The following DIAPH3 variants were observed in gnomAD, a reference collection of about 807,000 sequenced individuals.
DIAPH3 encodes the protein diaphanous related formin 3.
In DIAPH3, 117 loss-of-function variants were observed where a neutral mutation model predicts 144.3. That is an observed-to-expected ratio of 0.81 (90% CI 0.70 to 0.95). The LOEUF (loss-of-function observed/expected upper bound fraction) is 0.95, where lower values mean the gene tolerates loss of function less well. DIAPH3 is among the 40% of genes least tolerant of loss of function. DIAPH3 has a pLI of 0.00. For synonymous variants in DIAPH3, 519 were observed against 488.9 expected, an observed-to-expected ratio of 1.06 and a Z score of -0.81; for missense variants, 1,421 against 1,412.7, an observed-to-expected ratio of 1.01 and a Z score of -0.09.
intron 18 of DIAPH3, among the ~76,000 whole-genome samples, chr13:59,924,542 GA>G (rs1261940866): frequency 1.3e-5 from 2 of 149,222 alleles, no homozygotes; most frequent in Non-Finnish European, 3.0e-5. Flanking sequence ...TTTCAGTTAT[GA>G]AAGGTAGAAT....
intron 24 of DIAPH3, among the ~76,000 whole-genome samples, chr13:59,812,090 G>C (rs1046598771): frequency 1.3e-5 from 2 of 152,170 alleles, no homozygotes; most frequent in Non-Finnish European, 2.9e-5. Flanking sequence ...TGTTTCGGGA[G>C]AAGGCTTTTA....
chr13:60,023,224 G>A (rs909508943), intron 5 of DIAPH3, among the ~76,000 whole-genome samples: 5 of 151,342 alleles, frequency 3.3e-5, no homozygotes, highest in Non-Finnish European at 7.4e-5. Context: ...TAGTCAGAGG[G>A]CCATCCAAAT....
At chr13:59,867,146 C>G (rs191128078) in intron 21 of DIAPH3, among the ~76,000 whole-genome samples, 7 of 150,376 alleles carry the variant, frequency 4.7e-5, no homozygotes, top group East Asian at 1.9e-4. Context: ...GAGTATCACT[C>G]CAATACAAAT....
intron 4 of DIAPH3, among the ~76,000 whole-genome samples, chr13:60,075,205 T>C (rs1202503635): frequency 6.6e-6 from 1 of 152,224 alleles, no homozygotes; most frequent in Non-Finnish European, 1.5e-5. Flanking sequence ...TCTTTTCATG[T>C]GGATGTATGA....
chr13:59,857,226 T>C (rs923988548), intron 22 of DIAPH3, among the ~76,000 whole-genome samples: 1 of 152,138 alleles, frequency 6.6e-6, no homozygotes, highest in Non-Finnish European at 1.5e-5. Flanking sequence ...TCAAACACTA[T>C]AAATTTTCCA....
intron 4 of DIAPH3, among the ~76,000 whole-genome samples, chr13:60,059,491 A>T (rs1450427046): frequency 1.3e-5 from 2 of 152,104 alleles, no homozygotes; most frequent in African/African-American, 2.4e-5. Context: ...GTTTTTAAAC[A>T]TACCACTTAA....
intron 25 of DIAPH3, among the ~76,000 whole-genome samples, chr13:59,810,346 G>A (rs570436461): frequency 6.6e-6 from 1 of 152,226 alleles, no homozygotes; most frequent in African/African-American, 2.4e-5. Context: ...TGGCTGATAT[G>A]TCGCTTAAGT....
intron 27 of DIAPH3, among the ~76,000 whole-genome samples, chr13:59,718,434 C>T (rs977297703): frequency 6.6e-6 from 1 of 152,104 alleles, no homozygotes; most frequent in Non-Finnish European, 1.5e-5. Context: ...TTAATCAAGG[C>T]AAATCATTAT....
intron 17 of DIAPH3, among the ~76,000 whole-genome samples, chr13:59,957,781 T>C (rs1253368290): frequency 1.3e-5 from 2 of 152,118 alleles, no homozygotes; most frequent in South Asian, 2.1e-4. Context: ...AACTTTAAAA[T>C]AGAAAAACAT....
In DIAPH3 at chr13:60,093,207, T is replaced by C. The variant is rs1052704481; in HGVS notation, c.495+421A>G. 1.8e-4 allele frequency among the ~76,000 whole-genome samples: 28 copies of C among 152,342 alleles called. No homozygotes were observed. In the East Asian group the frequency reaches 5.0e-3, roughly 27 times the overall value. ...CCAACATTTATAATTTGTTACAAGA[T>C]AATTTTATTCATAGGGAGACTCACA... On this transcript the variant is annotated intron_variant, in intron 4 of 27. Transcript: ENST00000400324.
intron 9 of DIAPH3, among the ~76,000 whole-genome samples, chr13:59,999,081 T>C (rs2052375538): frequency 6.6e-6 from 1 of 152,060 alleles, no homozygotes; most frequent in Non-Finnish European, 1.5e-5. Flanking sequence ...TGGGTAAACT[T>C]TGAAGATTAA....
intron 25 of DIAPH3, among the ~76,000 whole-genome samples, chr13:59,792,256 A>G (rs2039365134): frequency 6.6e-6 from 1 of 152,110 alleles, no homozygotes; most frequent in African/African-American, 2.4e-5. Context: ...CAAAGCTGCT[A>G]TGTCAGGCTG....
At chr13:59,922,848 A>G (rs377112853) in intron 18 of DIAPH3, among the ~76,000 whole-genome samples, 1 of 152,174 alleles carries the variant, frequency 6.6e-6, no homozygotes, top group African/African-American at 2.4e-5. Context: ...ATCTTTCTCC[A>G]TAAAAATGTT....
intron 27 of DIAPH3, among the ~76,000 whole-genome samples, chr13:59,670,785 G>A (rs1057447801): frequency 1.3e-5 from 2 of 152,022 alleles, no homozygotes; most frequent in Non-Finnish European, 2.9e-5. Flanking sequence ...GGGTTTCACT[G>A]TGTTAGCCAG....
intron 27 of DIAPH3, chr13:59,696,012 A>G (rs2033782631): frequency 6.6e-6 from 1 of 152,228 alleles, no homozygotes; most frequent in Non-Finnish European, 1.5e-5. Flanking sequence ...AAACAAAGGA[A>G]AACAACAACT....
intron 3 of DIAPH3, among the ~76,000 whole-genome samples, chr13:60,095,408 A>G (rs747673582): frequency 6.6e-6 from 1 of 151,796 alleles, no homozygotes; most frequent in African/African-American, 2.4e-5. Context: ...ACTTAAACTC[A>G]CTTAGCTATA....
intron 16 of DIAPH3, 70 bp from the exon 17 acceptor site, chr13:59,970,128 A>G (rs2050277345): frequency 1.3e-6 from 1 of 778,542 alleles, no homozygotes; most frequent in Non-Finnish European, 2.1e-6. Flanking sequence ...AGCACTATGC[A>G]TACACTGAGT....
chr13:59,732,833 A>G (rs979439763), intron 27 of DIAPH3, among the ~76,000 whole-genome samples: 2 of 152,120 alleles, frequency 1.3e-5, no homozygotes, highest in Non-Finnish European at 2.9e-5. Context: ...TTAGAACATT[A>G]TTTTTAAACT....
At chr13:59,712,274 T>C (rs530354608) in intron 27 of DIAPH3, among the ~76,000 whole-genome samples, 175 of 152,344 alleles carry the variant, frequency 1.1e-3, no homozygotes, top group African/African-American at 4.1e-3. Flanking sequence ...AGTGGTTGGC[T>C]AGGTAGCTGC....
Sources: gnomAD v4.1 joint callset for allele counts (sites outside exome capture counted in the v4.1 genomes callset) on GRCh38, gnomAD v4.1.1 for gene constraint, MANE v1.5 for transcripts, NCBI Gene and HGNC (gene_info 2026-07-23, HGNC 2026-07-21) for gene names.